The following LYN variants were observed in gnomAD, a reference collection of about 807,000 sequenced individuals.
LYN encodes LYN proto-oncogene, Src family tyrosine kinase, also known as tyrosine-protein kinase Lyn.
In LYN, 12 loss-of-function variants were observed where a neutral mutation model predicts 65.0. The ratio of observed to expected loss-of-function variants is 0.18; its 90% CI spans 0.12 to 0.30. LYN has a LOEUF of 0.30. Ranked by LOEUF, LYN falls within the 10% of genes least tolerant of loss-of-function variation. LYN has a pLI of 1.00. For missense variants in LYN, 380 were observed against 623.2 expected (o/e 0.61, Z 4.16); for synonymous variants, 222 against 221.2 (o/e 1.00, Z -0.03).
intron 1 of LYN, among the ~76,000 whole-genome samples, chr8:55,940,704 A>C (rs921046094): frequency 2.6e-5 from 4 of 152,096 alleles, no homozygotes; most frequent in African/African-American, 9.7e-5. Context: ...ATTTGACCCA[A>C]TACTGTAAGA....
chr8:55,921,477 G>A (rs1259746387), intron 1 of LYN, among the ~76,000 whole-genome samples: 13 of 152,224 alleles, frequency 8.5e-5, no homozygotes, highest in Non-Finnish European at 2.9e-5. Context: ...TACTATAAGA[G>A]ATGTCCTGGG....
chr8:55,901,987 A>G (rs1315370001), intron 1 of LYN, among the ~76,000 whole-genome samples: 4 of 151,616 alleles, frequency 2.6e-5, no homozygotes, highest in Non-Finnish European at 4.4e-5. Context: ...ATGATGTATC[A>G]TCATTCTAAA....
chr8:55,919,800 G>GA (rs1275254932), intron 1 of LYN, among the ~76,000 whole-genome samples: 2 of 152,002 alleles, frequency 1.3e-5, no homozygotes, highest in African/African-American at 2.4e-5. Flanking sequence ...GTGAGCAGTT[G>GA]AACGTGCATT....
intron 10 of LYN, among the ~76,000 whole-genome samples, chr8:55,972,345 T>A (rs1563319679): frequency 6.6e-6 from 1 of 152,362 alleles, no homozygotes; most frequent in Non-Finnish European, 1.5e-5. Flanking sequence ...GTGGCGCTGG[T>A]GAGACCACCT....
intron 12 of LYN, among the ~76,000 whole-genome samples, chr8:56,006,207 C>G (rs1183736546): frequency 6.6e-6 from 1 of 152,172 alleles, no homozygotes; most frequent in Non-Finnish European, 1.5e-5. Context: ...CTGGCTGTTT[C>G]TGACCAGATA....
chr8:55,978,021 A>G (rs1807806133), intron 10 of LYN, among the ~76,000 whole-genome samples: 1 of 152,186 alleles, frequency 6.6e-6, no homozygotes, highest in African/African-American at 2.4e-5. Context: ...CTAGATTCTC[A>G]GGCCCTCTCC....
At chr8:56,007,582 G>A (rs958791547) in intron 12 of LYN, among the ~76,000 whole-genome samples, 1 of 152,156 alleles carries the variant, frequency 6.6e-6, no homozygotes. Flanking sequence ...GCTCTTCCAC[G>A]ACAGAAATGA....
chr8:55,940,364 A>G (rs1038393466), intron 1 of LYN: 6 of 151,952 alleles, frequency 3.9e-5, no homozygotes, highest in African/African-American at 1.5e-4. Flanking sequence ...GTGAGATTTT[A>G]TTTTTTTATT....
intron 10 of LYN, among the ~76,000 whole-genome samples, chr8:55,987,202 C>G (rs1808096320): frequency 6.6e-6 from 1 of 151,978 alleles, no homozygotes; most frequent in Non-Finnish European, 1.5e-5. Flanking sequence ...CACCTGAGAT[C>G]AGGAGTTCGA....
chr8:56,004,131 C>T (rs1398611289), intron 12 of LYN, among the ~76,000 whole-genome samples: 1 of 151,578 alleles, frequency 6.6e-6, no homozygotes, highest in Non-Finnish European at 1.5e-5. Flanking sequence ...GGGGTTTCTC[C>T]ATGTTGGTCA....
At chr8:55,958,732 G>A (rs1241672966) in intron 8 of LYN, among the ~76,000 whole-genome samples, 1 of 152,078 alleles carries the variant, frequency 6.6e-6, no homozygotes, top group Non-Finnish European at 1.5e-5. Flanking sequence ...TTTGTCTCTG[G>A]CTTACTTCAC....
intron 1 of LYN, among the ~76,000 whole-genome samples, chr8:55,916,405 T>C (rs1221290232): frequency 6.6e-6 from 1 of 152,230 alleles, no homozygotes; most frequent in East Asian, 1.9e-4. Context: ...TTCAATTTCT[T>C]CTGGACTTTG....
chr8:55,983,829 G>C (rs1807998008), intron 10 of LYN, among the ~76,000 whole-genome samples: 1 of 152,114 alleles, frequency 6.6e-6, no homozygotes, highest in African/African-American at 2.4e-5. Context: ...TCCACACTAA[G>C]TCTCCTAAGT....
intron 8 of LYN, among the ~76,000 whole-genome samples, chr8:55,956,674 C>A (rs1807124025): frequency 6.6e-6 from 1 of 152,204 alleles, no homozygotes; most frequent in South Asian, 2.1e-4. Flanking sequence ...AAGCTCCAGT[C>A]CTTTCTGTCC....
At chr8:55,961,678 A>G (rs940144973) in intron 8 of LYN, among the ~76,000 whole-genome samples, 1 of 151,928 alleles carries the variant, frequency 6.6e-6, no homozygotes, top group African/African-American at 2.4e-5. Context: ...ATAAGTCTCC[A>G]TGAGCTTCAT....
At chr8:55,922,375 C>T (rs950887225) in intron 1 of LYN, among the ~76,000 whole-genome samples, 1 of 151,082 alleles carries the variant, frequency 6.6e-6, no homozygotes, top group African/African-American at 2.4e-5. Context: ...TAGGCATGAG[C>T]CACCACACCT....
In LYN at chr8:56,011,269, G is replaced by C. The variant is rs1179933578; in HGVS notation, c.*1159G>C. On this transcript the variant is annotated 3_prime_UTR_variant, in exon 13 of 13. Transcript: ENST00000519728. The stretch of plus-strand genomic sequence containing the variant: ...GTTCTGTTCACTAAATTTTTCTCCT[G>C]TAAGCTTTGAATGGAAACTTCTGTA... 2 of 225,908 alleles carry C rather than the reference G, an allele frequency of 8.9e-6. No individual in the cohort carries two copies. The highest frequency in any genetic ancestry group is 1.8e-5 in the Non-Finnish European group (2 of 113,602). The allele number at this position is 225,908 out of a possible 1,614,324, so 14.0% of individuals were successfully genotyped here.
intron 1 of LYN, chr8:55,902,616 A>G (rs556677368): frequency 3.0e-6 from 1 of 329,750 alleles, no homozygotes; most frequent in African/African-American, 2.2e-5. Context: ...AAAAAAAACA[A>G]CAACAACAGT....
At chr8:55,917,478 A>C (rs1024765411) in intron 1 of LYN, among the ~76,000 whole-genome samples, 1 of 152,200 alleles carries the variant, frequency 6.6e-6, no homozygotes, top group African/African-American at 2.4e-5. Flanking sequence ...ACCACCAAAA[A>C]CTGCAGTTTA....
Sources: allele counts gnomAD v4.1 joint callset (sites outside exome capture counted in the v4.1 genomes callset), GRCh38; gene constraint gnomAD v4.1.1; transcripts MANE v1.5; gene names NCBI Gene and HGNC (gene_info 2026-07-23, HGNC 2026-07-21).